Variants in DLG1 observed in about 807,000 individuals in gnomAD.
The protein encoded by DLG1 is disks large homolog 1.
In DLG1, 42 loss-of-function variants were observed where a neutral mutation model predicts 123.4. The observed-to-expected ratio is 0.34, with a 90% CI of 0.27 to 0.44. The LOEUF (loss-of-function observed/expected upper bound fraction) is 0.44. Among genes scored for constraint, DLG1 ranks in the 20% least tolerant of loss-of-function variants. The pLI, the probability that DLG1 is intolerant of heterozygous loss-of-function variation, is 1.00. For synonymous variants in DLG1, 317 were observed against 356.2 expected, an observed-to-expected ratio of 0.89 and a Z score of 1.24; for missense variants, 942 against 1,082.6, an observed-to-expected ratio of 0.87 and a Z score of 1.82.
intron 4 of DLG1, among the ~76,000 whole-genome samples, chr3:197,265,842 G>C (rs1761445290): frequency 6.6e-6 from 1 of 152,122 alleles, no homozygotes; most frequent in African/African-American, 2.4e-5. Context: ...ACGAGGTCAG[G>C]AACTCAAGAC....
intron 11 of DLG1, 95 bp from the exon 12 acceptor site, chr3:197,119,625 C>T: frequency 8.8e-7 from 1 of 1,142,266 alleles, no homozygotes; most frequent in Non-Finnish European, 1.2e-6. Context: ...ATATGCACTC[C>T]TTTATATATC....
chr3:197,124,478 G>A (rs1205465159), intron 11 of DLG1, among the ~76,000 whole-genome samples: 1 of 152,000 alleles, frequency 6.6e-6, no homozygotes, highest in Non-Finnish European at 1.5e-5. Context: ...GTTTCACTGG[G>A]TTAGCCAGGA....
intron 24 of DLG1, among the ~76,000 whole-genome samples, chr3:197,046,181 C>G (rs752628965): frequency 1.3e-5 from 2 of 152,092 alleles, no homozygotes; most frequent in Non-Finnish European, 2.9e-5. Flanking sequence ...GACAGAATCC[C>G]AGAGCATTTC....
chr3:197,066,736 A>G lies in DLG1; in HGVS notation c.2066T>C (p.Val689Ala). The G allele has an allele frequency of 6.2e-7, 1 of 1,604,634 alleles. No homozygotes were observed. Among genetic ancestry groups the G allele is most frequent in the Non-Finnish European group, 8.5e-7 (1 of 1,173,160 alleles). ...TTGATTCACTGGTTCATAAGATAAG[A>G]CGTATTCTTCTTGACCACCTATTAG... ...ESSYRGQEEYVLSYEPVNQQE... is the reference protein window; with the variant it reads ...ESSYRGQEEYALSYEPVNQQE... Residue 689 changes from valine (V) to alanine (A), a missense_variant, in exon 20 of 25, where the codon GTC (valine) becomes GCC (alanine). Coordinates refer to ENST00000667157, the MANE Select transcript of DLG1 (RefSeq NM_001366207.1).
At chr3:197,135,254 C>A (rs1265426179) in intron 10 of DLG1, among the ~76,000 whole-genome samples, 1 of 152,160 alleles carries the variant, frequency 6.6e-6, no homozygotes, top group African/African-American at 2.4e-5. Context: ...GGCTCTGTGT[C>A]CCCACCCAAA....
intron 16 of DLG1, among the ~76,000 whole-genome samples, chr3:197,081,957 T>C (rs2149070928): frequency 6.6e-6 from 1 of 152,352 alleles, no homozygotes; most frequent in Admixed American, 6.5e-5. Context: ...AGCAATTATG[T>C]TAGCATATAA....
chr3:197,092,965 A>G (rs904975508), intron 14 of DLG1, among the ~76,000 whole-genome samples: 3 of 152,204 alleles, frequency 2.0e-5, no homozygotes, highest in South Asian at 2.1e-4. Flanking sequence ...AGTCAAATCT[A>G]TAAAACACAG....
chr3:197,264,699 T>C lies in DLG1; in HGVS notation c.318+17980A>G, dbSNP rs538012124. ...GCCTCGGCCTCCCAAAGTGCTGGGA[T>C]TACAAGGGTGAGCCACTGTGCCTAG... On this transcript the variant is annotated intron_variant, in intron 4 of 24. Transcript: ENST00000667157. Among the ~76,000 whole-genome samples the C allele has an allele frequency of 3.0e-4, 45 of 152,324 alleles. No homozygotes were observed. The East Asian group carries it at 7.7e-3, about 26-fold the overall frequency.
At chr3:197,295,320 G>A (rs755497135) in intron 3 of DLG1, among the ~76,000 whole-genome samples, 4 of 152,076 alleles carry the variant, frequency 2.6e-5, no homozygotes, top group East Asian at 1.9e-4. Context: ...GTACCTGACA[G>A]GACACACTGA....
chr3:197,180,576 A>C (rs1042759535), intron 5 of DLG1, among the ~76,000 whole-genome samples: 68 of 152,360 alleles, frequency 4.5e-4, no homozygotes, highest in African/African-American at 1.6e-3. Flanking sequence ...AAAATAAAAC[A>C]ACCTCTCAAA....
At chr3:197,250,820 C>T (rs1754022470) in intron 4 of DLG1, among the ~76,000 whole-genome samples, 1 of 151,004 alleles carries the variant, frequency 6.6e-6, no homozygotes, top group East Asian at 2.0e-4. Context: ...ATAGTGAAAC[C>T]CTGTCTCTAC....
chr3:197,269,193 T>C (rs1481030123), intron 4 of DLG1, among the ~76,000 whole-genome samples: 1 of 152,226 alleles, frequency 6.6e-6, no homozygotes, highest in Non-Finnish European at 1.5e-5. Flanking sequence ...CTGTACCTAA[T>C]TATACGTGCT....
intron 22 of DLG1, among the ~76,000 whole-genome samples, chr3:197,060,238 C>A (rs1734824919): frequency 6.6e-6 from 1 of 152,138 alleles, no homozygotes. Flanking sequence ...AAATACAGTT[C>A]CTAGTTTTCA....
chr3:197,111,928 T>C (rs1043331588), intron 13 of DLG1, among the ~76,000 whole-genome samples: 2 of 152,244 alleles, frequency 1.3e-5, no homozygotes, highest in Non-Finnish European at 2.9e-5. Flanking sequence ...CATTTCAAGG[T>C]CTAGATTATT....
chr3:197,214,734 G>A (rs1243995419), intron 4 of DLG1, among the ~76,000 whole-genome samples: 1 of 152,028 alleles, frequency 6.6e-6, no homozygotes, highest in South Asian at 2.1e-4. Flanking sequence ...GGCCAGTTTT[G>A]AAATTTATAA....
intron 17 of DLG1, 24 bp from the exon 18 acceptor site, chr3:197,076,709 A>G: frequency 6.4e-7 from 1 of 1,573,094 alleles, no homozygotes; most frequent in Non-Finnish European, 8.7e-7. Context: ...GGAGGGGCAA[A>G]ACAAAGGGAT....
chr3:197,156,343 CA>C (rs2149824804), intron 5 of DLG1, among the ~76,000 whole-genome samples: 1 of 151,774 alleles, frequency 6.6e-6, no homozygotes, highest in East Asian at 1.9e-4. Context: ...TGTTTCACTA[CA>C]AAAAATTAAT....
At chr3:197,207,714 A>T (rs1222667962) in intron 4 of DLG1, among the ~76,000 whole-genome samples, 1 of 147,718 alleles carries the variant, frequency 6.8e-6, no homozygotes, top group Non-Finnish European at 1.5e-5. Flanking sequence ...ATAAATAGAA[A>T]TTTGGTACTA....
chr3:197,179,893 T>C (rs1321438971), intron 5 of DLG1, among the ~76,000 whole-genome samples: 1 of 152,172 alleles, frequency 6.6e-6, no homozygotes, highest in Admixed American at 6.5e-5. Flanking sequence ...CCTATATTTT[T>C]GACTTAGGAC....
Sources: allele counts gnomAD v4.1 joint callset (sites outside exome capture counted in the v4.1 genomes callset), GRCh38; gene constraint gnomAD v4.1.1; transcripts MANE v1.5; gene names NCBI Gene and HGNC (gene_info 2026-07-23, HGNC 2026-07-21).